Variants in MALRD1 observed in about 807,000 individuals in gnomAD.
The protein encoded by MALRD1 is MAM and LDL-receptor class A domain-containing protein 1.
In MALRD1, 247 loss-of-function variants were observed where a neutral mutation model predicts 242.1. The ratio of observed to expected loss-of-function variants is 1.02; its 90% CI spans 0.92 to 1.13. The LOEUF (loss-of-function observed/expected upper bound fraction) is 1.13, where lower values mean the gene tolerates loss of function less well. Ranked by LOEUF, MALRD1 falls within the 50% of genes most tolerant of loss-of-function variation. The pLI, the probability that MALRD1 is intolerant of heterozygous loss-of-function variation, is 0.00. For synonymous variants in MALRD1, 995 were observed against 866.6 expected (o/e 1.15, Z -2.60); for missense variants, 2,989 against 2,533.1 (o/e 1.18, Z -3.86).
rs575405640 is a variant in MALRD1, at chr10:19,082,029, C to T, written c.341-5811C>T. Among the ~76,000 whole-genome samples the T allele has an allele frequency of 1.1e-4, 16 of 151,800 alleles. No homozygotes were observed. The East Asian group carries it at 1.9e-3, about 18-fold the overall frequency. ...ATTATGATTATACCTATCATCAGAG[C>T]GATATGTTGTTTGTTGCCATTTTGC... On this transcript the variant is annotated intron_variant, in intron 2 of 39. Transcript: ENST00000454679.
chr10:19,503,736 C>G (rs1245016918), intron 31 of MALRD1, among the ~76,000 whole-genome samples: 1 of 152,182 alleles, frequency 6.6e-6, no homozygotes, highest in Non-Finnish European at 1.5e-5. Flanking sequence ...ATTGTTACGT[C>G]TCCTCTAGCA....
intron 36 of MALRD1, among the ~76,000 whole-genome samples, chr10:19,638,874 G>A (rs992902513): frequency 5.3e-5 from 8 of 152,082 alleles, no homozygotes; most frequent in African/African-American, 1.9e-4. Context: ...TGTCATGTGG[G>A]TGACCATCGT....
intron 19 of MALRD1, among the ~76,000 whole-genome samples, chr10:19,269,035 C>G (rs1840084193): frequency 6.6e-6 from 1 of 152,162 alleles, no homozygotes; most frequent in Non-Finnish European, 1.5e-5. Context: ...TGCATTTCAT[C>G]TTTTCAATTT....
At chr10:19,426,606 A>G (rs1450986956) in intron 28 of MALRD1, among the ~76,000 whole-genome samples, 2 of 152,182 alleles carry the variant, frequency 1.3e-5, no homozygotes, top group African/African-American at 2.4e-5. Context: ...GTTTGAGACC[A>G]ACCTGGCCAA....
chr10:19,257,141 T>C (rs1839549273), intron 18 of MALRD1, among the ~76,000 whole-genome samples: 1 of 152,078 alleles, frequency 6.6e-6, no homozygotes, highest in Non-Finnish European at 1.5e-5. Flanking sequence ...GTGATTAATG[T>C]GGCCCTGAAG....
At chr10:19,330,508 A>G (rs1843316481) in intron 23 of MALRD1, among the ~76,000 whole-genome samples, 1 of 152,190 alleles carries the variant, frequency 6.6e-6, no homozygotes, top group Non-Finnish European at 1.5e-5. Flanking sequence ...ATTTTGAAAT[A>G]TCTCAATATT....
intron 39 of MALRD1, 35 bp downstream of exon 39, chr10:19,730,816 A>T (rs1404838015): frequency 3.3e-6 from 5 of 1,501,088 alleles, no homozygotes; most frequent in Non-Finnish European, 3.6e-6. Context: ...CTTTTCACAC[A>T]TATGCACACA....
intron 9 of MALRD1, among the ~76,000 whole-genome samples, chr10:19,135,037 T>C (rs1833281446): frequency 6.6e-6 from 1 of 152,210 alleles, no homozygotes; most frequent in African/African-American, 2.4e-5. Context: ...TACAAAGTTT[T>C]CTTATTGTTG....
chr10:19,052,380 T>C (rs896197664), intron 1 of MALRD1, among the ~76,000 whole-genome samples: 1 of 152,200 alleles, frequency 6.6e-6, no homozygotes, highest in African/African-American at 2.4e-5. Flanking sequence ...ATTTGAAATA[T>C]ATAAGTTGTG....
chr10:19,643,136 A>C (rs960610297), intron 36 of MALRD1, among the ~76,000 whole-genome samples: 1 of 152,126 alleles, frequency 6.6e-6, no homozygotes. Flanking sequence ...TGTGGGTAAA[A>C]TAAAAATTGT....
intron 14 of MALRD1, among the ~76,000 whole-genome samples, chr10:19,201,825 C>CT (rs1333884501): frequency 3.3e-5 from 5 of 151,604 alleles, no homozygotes; most frequent in South Asian, 2.1e-4. Flanking sequence ...CTTGATAAAT[C>CT]TTTTTTTTGA....
At chr10:19,152,446 A>G (rs1303116089) in intron 11 of MALRD1, among the ~76,000 whole-genome samples, 1 of 152,152 alleles carries the variant, frequency 6.6e-6, no homozygotes, top group East Asian at 1.9e-4. Flanking sequence ...TTTTAATTCT[A>G]TTATCTTTCC....
At position 19,587,330 on chromosome 10, in the gene MALRD1, T is replaced by G. The variant is rs141105355; in HGVS notation, c.5681-7864T>G. Among the ~76,000 whole-genome samples, 37 of 152,338 alleles carry G rather than the reference T, an allele frequency of 2.4e-4. 1 individual carries two copies. In the East Asian group the frequency reaches 6.4e-3, roughly 26 times the overall value. On this transcript the variant is annotated intron_variant, in intron 33 of 39. Transcript: ENST00000454679. ...ACCCATTTGTAACAGGTGCATTATA[T>G]TTTACAATGAGCATTTTTACTGTCT...
intron 2 of MALRD1, among the ~76,000 whole-genome samples, chr10:19,068,808 C>T (rs2358277): frequency 0.29 from 44,360 of 151,862 alleles, 7,110 homozygotes; most frequent in East Asian, 0.44. Context: ...AATGATTTGC[C>T]AGTGCTCCAA....
chr10:19,365,841 A>T (rs956078712), intron 26 of MALRD1, among the ~76,000 whole-genome samples: 2 of 152,092 alleles, frequency 1.3e-5, no homozygotes, highest in African/African-American at 4.8e-5. Flanking sequence ...ACCAAAATAG[A>T]GAACATCTAC....
intron 38 of MALRD1, among the ~76,000 whole-genome samples, chr10:19,718,000 CTAAA>C (rs751306181): frequency 3.9e-4 from 50 of 128,140 alleles, no homozygotes; most frequent in Non-Finnish European, 4.8e-4. Flanking sequence ...GAGATTCTAC[CTAAA>C]TAAATAAATA....
rs146928868 is a variant in MALRD1, at chr10:19,676,870, T to C, written c.6138-15412T>C. Among the ~76,000 whole-genome samples the C allele has an allele frequency of 1.9e-3, 296 of 152,296 alleles. 1 individual carries two copies. Among genetic ancestry groups the C allele is most frequent in the Middle Eastern group, 0.01 (3 of 294 alleles). Reference sequence around the variant, plus strand: ...TGTGTTGTTCCCCTCCCTGAGTTCATGTGTTCTCATTGTTCAGCTTCCACT... The same window carrying C: ...TGTGTTGTTCCCCTCCCTGAGTTCACGTGTTCTCATTGTTCAGCTTCCACT... On this transcript the variant is annotated intron_variant, in intron 36 of 39. Coordinates refer to ENST00000454679, the MANE Select transcript of MALRD1 (RefSeq NM_001142308.3).
intron 38 of MALRD1, among the ~76,000 whole-genome samples, chr10:19,717,994 T>G (rs1257936685): frequency 7.0e-6 from 1 of 142,884 alleles, no homozygotes; most frequent in Non-Finnish European, 1.5e-5. Flanking sequence ...TCCAGAGAGA[T>G]TCTACCTAAA....
At chr10:19,223,266 C>T (rs1437238980) in intron 18 of MALRD1, among the ~76,000 whole-genome samples, 1 of 152,140 alleles carries the variant, frequency 6.6e-6, no homozygotes, top group South Asian at 2.1e-4. Flanking sequence ...ATTGCCCCTA[C>T]TTCCTTGTAT....
Sources: allele counts gnomAD v4.1 joint callset (sites outside exome capture counted in the v4.1 genomes callset), GRCh38; gene constraint gnomAD v4.1.1; transcripts MANE v1.5; gene names NCBI Gene and HGNC (gene_info 2026-07-23, HGNC 2026-07-21).